Variants in PRKD2 observed in about 807,000 individuals in gnomAD.
The protein encoded by PRKD2 is serine/threonine-protein kinase D2.
Under a neutral mutation model 86.0 loss-of-function variants are expected in PRKD2, and 22 were observed. The ratio of observed to expected loss-of-function variants is 0.26; its 90% confidence interval spans 0.18 to 0.37. The LOEUF (loss-of-function observed/expected upper bound fraction) is 0.37. Ranked by LOEUF, PRKD2 falls within the 10% of genes least tolerant of loss-of-function variation. The pLI, the probability that PRKD2 is intolerant of heterozygous loss-of-function variation, is 1.00. For synonymous variants in PRKD2, 509 were observed against 510.9 expected (o/e 1.00, Z 0.05); for missense variants, 818 against 1,199.2 (o/e 0.68, Z 4.70).
intron 14 of PRKD2, among the ~76,000 whole-genome samples, chr19:46,684,998 C>G (rs959688717): frequency 6.7e-6 from 1 of 148,536 alleles, no homozygotes; most frequent in African/African-American, 2.5e-5. Flanking sequence ...TGGTGGCTCA[C>G]GCCTGTAATC....
chr19:46,680,401 G>A (rs1472616821), intron 15 of PRKD2, among the ~76,000 whole-genome samples: 1 of 151,498 alleles, frequency 6.6e-6, no homozygotes, highest in African/African-American at 2.4e-5. Flanking sequence ...CAATTCTCCT[G>A]CTTCAGCCTC....
At chr19:46,714,227 G>T in intron 1 of PRKD2, 1 of 1,309,154 alleles carries the variant, frequency 7.6e-7, no homozygotes, top group Non-Finnish European at 9.8e-7. Context: ...TTGGTGGCTG[G>T]AAGGGGGAGC....
chr19:46,684,313 T>C (rs748080665), intron 14 of PRKD2, among the ~76,000 whole-genome samples: 2 of 152,078 alleles, frequency 1.3e-5, no homozygotes, highest in Non-Finnish European at 2.9e-5. Flanking sequence ...GCATGTGTTG[T>C]ATATGTCATC....
intron 4 of PRKD2, 23 bp from the exon 5 acceptor site, chr19:46,704,414 G>A: frequency 1.2e-6 from 2 of 1,613,836 alleles, no homozygotes; most frequent in Non-Finnish European, 1.7e-6. Context: ...AGAATGGAGG[G>A]GACACATCAG....
At chr19:46,701,386 C>T (rs1049530519) in intron 5 of PRKD2, among the ~76,000 whole-genome samples, 4 of 151,676 alleles carry the variant, frequency 2.6e-5, no homozygotes, top group African/African-American at 4.8e-5. Flanking sequence ...TTTGGGAGGC[C>T]GGGGAGAGCA....
chr19:46,700,929 C>T lies in PRKD2; in HGVS notation c.991G>A (p.Asp331Asn), dbSNP rs775481750. The change falls in exon 7 of 18, where the codon GAT becomes AAT. Residue 331 changes from aspartate (D) to asparagine (N), a missense_variant. By Grantham distance (23) the Asp-to-Asn change is conservative. Coordinates refer to ENST00000291281, the MANE Select transcript of PRKD2 (RefSeq NM_016457.5). ...NGDVPMEEAT[D>N]FSEADKSALM... is the part of the protein sequence containing the mutation. The stretch of plus-strand genomic sequence containing the variant: ...GCGCTCTTGTCAGCCTCGCTGAAAT[C>T]GGTGGCCTCCTCCATCGGCACATCT... The T allele has an allele frequency of 1.7e-5, 27 of 1,614,138 alleles. No individual in the cohort carries two copies. The highest frequency in any genetic ancestry group is 3.3e-4 in the Middle Eastern group (2 of 6,084).
At chr19:46,697,478 G>T (rs2053577637) in intron 8 of PRKD2, 2 of 424,296 alleles carry the variant, frequency 4.7e-6, no homozygotes, top group Non-Finnish European at 8.2e-6. Context: ...TCTTCCTCCA[G>T]CCAAGCTCCT....
intron 3 of PRKD2, among the ~76,000 whole-genome samples, chr19:46,709,663 GT>G (rs2053773773): frequency 6.6e-6 from 1 of 151,394 alleles, no homozygotes; most frequent in South Asian, 2.1e-4. Context: ...ACCCGGCCCA[GT>G]GGAGGTATTT....
intron 14 of PRKD2, 138 bp from the exon 15 acceptor site, chr19:46,681,886 C>A (rs1482516889): frequency 1.8e-6 from 1 of 561,084 alleles, no homozygotes; most frequent in Non-Finnish European, 3.2e-6. Context: ...GTAGCCCAGG[C>A]TGGAAGTGCA....
At chr19:46,689,400 G>A (rs569908523) in intron 14 of PRKD2, 137 bp downstream of exon 14, 56 of 1,087,700 alleles carry the variant, frequency 5.1e-5, no homozygotes, top group Non-Finnish European at 6.1e-5. Flanking sequence ...GAGCCACTGC[G>A]CCCAGCCTGA....
At chr19:46,701,316 G>C (rs572069773) in intron 5 of PRKD2, among the ~76,000 whole-genome samples, 7 of 151,706 alleles carry the variant, frequency 4.6e-5, no homozygotes, top group African/African-American at 1.7e-4. Context: ...AAGTAGGAGG[G>C]CTAGACTCAA....
intron 16 of PRKD2, among the ~76,000 whole-genome samples, chr19:46,676,359 A>G (rs1228013733): frequency 3.9e-5 from 6 of 152,196 alleles, no homozygotes; most frequent in Non-Finnish European, 7.3e-5. Flanking sequence ...CAGGAGGCAG[A>G]GGTTGCAGTG....
At chr19:46,705,260 C>T (rs1001305892) in intron 3 of PRKD2, among the ~76,000 whole-genome samples, 6 of 152,128 alleles carry the variant, frequency 3.9e-5, no homozygotes, top group African/African-American at 1.4e-4. Flanking sequence ...CTCCCCAAAA[C>T]TCCTGTCCAT....
chr19:46,705,145 G>A (rs1032984068), intron 3 of PRKD2, among the ~76,000 whole-genome samples: 5 of 148,402 alleles, frequency 3.4e-5, no homozygotes, highest in East Asian at 2.0e-4. Context: ...CCCTGAACGC[G>A]CCTCACACCC....
At chr19:46,676,812 C>A (rs1400902502) in intron 16 of PRKD2, among the ~76,000 whole-genome samples, 2 of 152,188 alleles carry the variant, frequency 1.3e-5, no homozygotes, top group Non-Finnish European at 2.9e-5. Flanking sequence ...GCAATCCCAG[C>A]ACTTTGGGAG....
chr19:46,689,614 C>CA lies in PRKD2; in HGVS notation c.1893dup (p.Gly632TrpfsTer11). On this transcript the variant is annotated frameshift_variant, in exon 14 of 18. Coordinates refer to ENST00000291281, the MANE Select transcript of PRKD2 (RefSeq NM_016457.5). LOFTEE classifies it high-confidence loss of function. Reference sequence around the variant, plus strand: ...GACAGGATCATCTCCAACATGTCCCCATGCAGCTTCTCCATCACCACAAAC... The same window carrying CA: ...GACAGGATCATCTCCAACATGTCCCCAATGCAGCTTCTCCATCACCACAAAC... 1 of 1,614,138 alleles carries CA rather than the reference C, an allele frequency of 6.2e-7. No individual in the cohort carries two copies. The highest frequency in any genetic ancestry group is 8.5e-7 in the Non-Finnish European group (1 of 1,180,010).
At chr19:46,685,273 A>G (rs988577229) in intron 14 of PRKD2, among the ~76,000 whole-genome samples, 167 of 151,904 alleles carry the variant, frequency 1.1e-3, no homozygotes, top group Non-Finnish European at 1.9e-3. Flanking sequence ...AAAAAAAAAA[A>G]AAAAGAAAAG....
Position 46,697,223 on chromosome 19 carries a change from G to C in PRKD2, c.1251C>G (p.His417Gln). Residue 417 changes from histidine (H) to glutamine (Q), a missense_variant, in exon 9 of 18, where the codon CAC becomes CAG. Around this residue, in one of 5 missense-constraint regions of PRKD2, gnomAD observed 127 missense variants for 157.8 expected, o/e 0.80. Coordinates refer to ENST00000291281, the MANE Select transcript of PRKD2 (RefSeq NM_016457.5). ...TACACTTGCAGTCCAGGCGCCAATA[G>C]TGCCGCTTTCTCTGCAGAGATGTTT... ...YSNKDTLRKR[H>Q]YWRLDCKCIT... 6.3e-7 allele frequency: 1 copy of C among 1,592,388 alleles called. No homozygotes were observed. The highest frequency in any genetic ancestry group is 8.6e-7 in the Non-Finnish European group (1 of 1,160,558).
chr19:46,683,960 T>G (rs2053355075), intron 14 of PRKD2, among the ~76,000 whole-genome samples: 1 of 152,160 alleles, frequency 6.6e-6, no homozygotes, highest in Non-Finnish European at 1.5e-5. Flanking sequence ...TTACCATTTG[T>G]AACCATTCAT....
Sources: allele counts gnomAD v4.1 joint callset (sites outside exome capture counted in the v4.1 genomes callset), GRCh38; gene constraint gnomAD v4.1.1; regional missense constraint gnomAD v4.1.1; transcripts MANE v1.5; gene names NCBI Gene and HGNC (gene_info 2026-07-23, HGNC 2026-07-21).